The following ATXN2L variants were observed in gnomAD, a reference collection of about 807,000 sequenced individuals.
ATXN2L encodes ataxin-2-like protein.
In ATXN2L, 24 loss-of-function variants were observed where a neutral mutation model predicts 120.7. The ratio of observed to expected loss-of-function variants is 0.20; its 90% confidence interval spans 0.14 to 0.28. ATXN2L has a LOEUF of 0.28. ATXN2L is among the 10% of genes least tolerant of loss of function. The pLI is 1.00. For missense variants in ATXN2L, 1,312 were observed against 1,432.3 expected, an observed-to-expected ratio of 0.92 and a Z score of 1.36; for synonymous variants, 653 against 568.1, an observed-to-expected ratio of 1.15 and a Z score of -2.13.
rs376337536 is a variant in ATXN2L, at chr16:28,833,364, G to A, written c.1955+10G>A. On this transcript the variant is annotated intron_variant, in intron 14 of 21. Transcript: ENST00000336783. ...AGGGCCCTGTTGCTGAGTGAGTGGA[G>A]CGGGGTGGGGCTCTGGGAGGATGGC... 8.3e-5 allele frequency: 134 copies of A among 1,613,386 alleles called. No homozygotes were observed. In the African/African-American group the frequency reaches 1.7e-3, roughly 20 times the overall value.
At chr16:28,823,733 G>A in intron 1 of ATXN2L, 175 bp downstream of exon 1, 1 of 662,248 alleles carries the variant, frequency 1.5e-6, no homozygotes, top group Non-Finnish European at 2.1e-6. Context: ...AAGGGTCCCC[G>A]GGCGGCCACC....
At position 28,831,089 on chromosome 16, in the gene ATXN2L, G is replaced by A. The variant is rs2054220682; in HGVS notation, c.1321+17G>A. ...CTCCTGCAGGTAAAGCTTTAGTAGT[G>A]TTGGATGAAGAAATGGATGGAAATT... On this transcript the variant is annotated intron_variant, in intron 10 of 21. Transcript: ENST00000336783. The A allele has an allele frequency of 1.3e-6, 2 of 1,523,064 alleles. No homozygotes were observed. The highest frequency in any genetic ancestry group is 2.3e-5 in the South Asian group (2 of 85,440). 94.3% of individuals were successfully genotyped at this position (1,523,064 alleles called of 1,614,324 possible).
intron 5 of ATXN2L, 157 bp from the exon 6 acceptor site, chr16:28,826,705 C>A: frequency 1.2e-6 from 1 of 848,182 alleles, no homozygotes; most frequent in Non-Finnish European, 1.7e-6. Context: ...TCTTCTCTTG[C>A]CTCCCCACCC....
chr16:28,826,291 G>C lies in ATXN2L; in HGVS notation c.517G>C (p.Gly173Arg), dbSNP rs1415141796. The change falls in exon 5 of 22, where the codon GGC (glycine) becomes CGC (arginine). Residue 173 changes from glycine to arginine, a missense_variant. Transcript: ENST00000336783. Reference sequence around the variant, plus strand: ...CCGGAAAGCATCTGAGCCAGCAGGTGGCCCTCGTCGGGAGGACATTGTGGA... The same window carrying C: ...CCGGAAAGCATCTGAGCCAGCAGGTCGCCCTCGTCGGGAGGACATTGTGGA... ...VHRKASEPAG[G>R]PRREDIVDTM... is the part of the protein sequence containing the mutation. 1 of 1,614,226 alleles carries C rather than the reference G, an allele frequency of 6.2e-7. No individual in the cohort carries two copies.
At chr16:28,829,657 A>T in intron 7 of ATXN2L, 165 bp downstream of exon 7, 1 of 762,822 alleles carries the variant, frequency 1.3e-6, no homozygotes, top group Non-Finnish European at 2.2e-6. Flanking sequence ...CAAAGGTTTT[A>T]AGCGTCTTAA....
chr16:28,833,930 G>C, intron 15 of ATXN2L, 135 bp from the exon 16 acceptor site: 1 of 1,031,086 alleles, frequency 9.7e-7, no homozygotes, highest in South Asian at 1.6e-5. Context: ...AGGGTTTAAT[G>C]TGAGGCTTTA....
In ATXN2L at chr16:28,826,129, G is replaced by A. The variant is rs1397756856; in HGVS notation, c.466-111G>A. The A allele has an allele frequency of 2.2e-6, 3 of 1,368,992 alleles. No homozygotes were observed. In the South Asian group the frequency reaches 3.9e-5, roughly 18 times the overall value. The allele number at this position is 1,368,992 out of a possible 1,614,324, so 84.8% of individuals were successfully genotyped here. On this transcript the variant is annotated intron_variant, in intron 4 of 21. Coordinates refer to ENST00000336783, the MANE Select transcript of ATXN2L (RefSeq NM_007245.4). Reference sequence around the variant, plus strand: ...TGTTGAGGATGTAGTGTTGTGAAAAGTTTGGGAAGGGTAAGAGAAATCCAG... The same window carrying A: ...TGTTGAGGATGTAGTGTTGTGAAAAATTTGGGAAGGGTAAGAGAAATCCAG...
At position 28,833,374 on chromosome 16, in the gene ATXN2L, G is replaced by T. The variant is rs761758088; in HGVS notation, c.1955+20G>T. 1.2e-6 allele frequency: 2 copies of T among 1,613,778 alleles called. No homozygotes were observed. Among genetic ancestry groups the T allele is most frequent in the Non-Finnish European group, 1.7e-6 (2 of 1,179,698 alleles). ...TGCTGAGTGAGTGGAGCGGGGTGGG[G>T]CTCTGGGAGGATGGCAGGAGGGATG... is the stretch of plus-strand genomic sequence containing the variant. On this transcript the variant is annotated intron_variant, in intron 14 of 21. Coordinates refer to ENST00000336783, the MANE Select transcript of ATXN2L (RefSeq NM_007245.4).
chr16:28,823,929 G>A (rs990142410), intron 1 of ATXN2L: 2 of 255,930 alleles, frequency 7.8e-6, no homozygotes, highest in South Asian at 2.6e-4. Flanking sequence ...TTCAGCCAAT[G>A]GGGAGTCTGC....
chr16:28,837,212 AAAAAT>A lies in ATXN2L; in HGVS notation c.*953_*957del, dbSNP rs1402923868. 1 of 168,538 alleles carries A rather than the reference AAAAAT, an allele frequency of 5.9e-6. No individual in the cohort carries two copies. The highest frequency in any genetic ancestry group is 1.2e-5 in the Non-Finnish European group (1 of 80,926). 10.4% of individuals were successfully genotyped at this position (168,538 alleles called of 1,614,324 possible). A position where few individuals can be genotyped will look rare whatever the true frequency, so the allele number is the denominator to read the frequency against. On this transcript the variant is annotated 3_prime_UTR_variant, in exon 22 of 22. Coordinates refer to ENST00000336783, the MANE Select transcript of ATXN2L (RefSeq NM_007245.4). Reference sequence around the variant, plus strand: ...ATAAAAATATTAAAAAATAAATAAAAAAAATAAAATTTTAAACTAACTTAACCTGC... The same window carrying A: ...ATAAAAATATTAAAAAATAAATAAAAAAAATTTTAAACTAACTTAACCTGC...
At position 28,837,039 on chromosome 16, in the gene ATXN2L, G is replaced by A. The variant is rs1367367084; in HGVS notation, c.*774G>A. ...CCATCCTCTCATCTATTCCCCCGCT[G>A]GAGACGGAAGATCTTTTATTTTCTA... On this transcript the variant is annotated 3_prime_UTR_variant, in exon 22 of 22. Transcript: ENST00000336783. The A allele has an allele frequency of 7.6e-6, 5 of 657,896 alleles. No homozygotes were observed. The highest frequency in any genetic ancestry group is 3.6e-5 in the African/African-American group (2 of 55,890). 40.8% of individuals were successfully genotyped at this position (657,896 alleles called of 1,614,324 possible).
At position 28,836,793 on chromosome 16, in the gene ATXN2L, C is replaced by A. The variant is rs139800317; in HGVS notation, c.*528C>A. 2 of 1,613,784 alleles carry A rather than the reference C, an allele frequency of 1.2e-6. No homozygotes were observed. Among genetic ancestry groups the A allele is most frequent in the African/African-American group, 1.3e-5 (1 of 74,858 alleles). On this transcript the variant is annotated 3_prime_UTR_variant, in exon 22 of 22. Coordinates refer to ENST00000336783, the MANE Select transcript of ATXN2L (RefSeq NM_007245.4). ...GGGGAACTGAAGATTGTCCTGGCCG[C>A]GACCTGAGACCTCCATGAGTGGAGG...
At position 28,825,618 on chromosome 16, in the gene ATXN2L, T is replaced by C; in HGVS notation, c.337-6T>C. On this transcript the variant is annotated splice_polypyrimidine_tract_variant and splice_region_variant and intron_variant, in intron 2 of 21. Coordinates refer to ENST00000336783, the MANE Select transcript of ATXN2L (RefSeq NM_007245.4). ...CTTTAATTCTCCCTCTTATGTTAAC[T>C]GACAGGTGTTTGAAGGCGTCTACAA... is the stretch of plus-strand genomic sequence containing the variant. 1 of 1,613,610 alleles carries C rather than the reference T, an allele frequency of 6.2e-7. No homozygotes were observed. The highest frequency in any genetic ancestry group is 8.5e-7 in the Non-Finnish European group (1 of 1,179,482).
chr16:28,835,918 T>C lies in ATXN2L; in HGVS notation c.2896-15T>C, dbSNP rs759614001. 26 of 1,548,422 alleles carry C rather than the reference T, an allele frequency of 1.7e-5. No individual in the cohort carries two copies. The highest frequency in any genetic ancestry group is 5.8e-5 in the Admixed American group (3 of 51,956). ...GATTCTGTGGTCTTCCCGGCTACTT[T>C]TTTGTTTTCCACAGGCCCATGTCCA... On this transcript the variant is annotated splice_polypyrimidine_tract_variant and intron_variant, in intron 21 of 21. Coordinates refer to ENST00000336783, the MANE Select transcript of ATXN2L (RefSeq NM_007245.4).
intron 7 of ATXN2L, 43 bp from the exon 8 acceptor site, chr16:28,829,815 C>T (rs1251350640): frequency 1.9e-6 from 3 of 1,595,330 alleles, no homozygotes; most frequent in Non-Finnish European, 2.6e-6. Context: ...CCTCTTTTGT[C>T]CCCTGGCACT....
intron 4 of ATXN2L, 29 bp downstream of exon 4, chr16:28,825,870 G>C: frequency 6.3e-7 from 1 of 1,591,126 alleles, no homozygotes; most frequent in Non-Finnish European, 8.6e-7. Context: ...AATTATTTTT[G>C]GAGTTGCAGA....
In ATXN2L at chr16:28,823,111, A is replaced by C. The variant is rs989266107; in HGVS notation, c.-149A>C. 4.5e-4 allele frequency: 54 copies of C among 119,738 alleles called. No homozygotes were observed. The highest frequency in any genetic ancestry group is 6.1e-4 in the Admixed American group (5 of 8,152). 7.4% of individuals were successfully genotyped at this position (119,738 alleles called of 1,614,324 possible). A position where few individuals can be genotyped will look rare whatever the true frequency, so the allele number is the denominator to read the frequency against. On this transcript the variant is annotated 5_prime_UTR_variant, in exon 1 of 22. Coordinates refer to ENST00000336783, the MANE Select transcript of ATXN2L (RefSeq NM_007245.4). ...CCTCGCGCCGCGGTCTTCTCTCTCC[A>C]CCCCCGACACCGCGGGGCTCCCCCC...
intron 1 of ATXN2L, chr16:28,824,464 GC>G (rs1454622323): frequency 1.6e-6 from 2 of 1,287,582 alleles, no homozygotes; most frequent in Non-Finnish European, 2.0e-6. Context: ...CCCGCCAGCG[GC>G]CCCCTCTTCG....
Position 28,834,203 on chromosome 16 carries a change from G to C in ATXN2L, c.2164G>C (p.Ala722Pro), listed in dbSNP as rs199932847. 1 of 1,613,950 alleles carries C rather than the reference G, an allele frequency of 6.2e-7. No individual in the cohort carries two copies. Among genetic ancestry groups the C allele is most frequent in the East Asian group, 2.2e-5 (1 of 44,878 alleles). ...SYIPQIHMGP[A>P]VQAPQMYPYP... Reference sequence around the variant, plus strand: ...CATACCTCAGATCCACATGGGACCAGCTGTGCAGGTATGCAGAGAGACTGG... The same window carrying C: ...CATACCTCAGATCCACATGGGACCACCTGTGCAGGTATGCAGAGAGACTGG... Residue 722 changes from alanine to proline, a missense_variant, in exon 16 of 22, where the codon GCT (alanine) becomes CCT (proline). Physicochemically the swap from Ala to Pro is conservative, Grantham distance 27. Coordinates refer to ENST00000336783, the MANE Select transcript of ATXN2L (RefSeq NM_007245.4).
Sources: gnomAD v4.1 joint callset for allele counts on GRCh38, gnomAD v4.1.1 for gene constraint, MANE v1.5 for transcripts, NCBI Gene and HGNC (gene_info 2026-07-23, HGNC 2026-07-21) for gene names.